The following LRMDA variants were observed in gnomAD, a reference collection of about 807,000 sequenced individuals.
The protein encoded by LRMDA is leucine rich melanocyte differentiation associated, also known as leucine-rich melanocyte differentiation-associated protein.
A neutral mutation model predicts 29.8 loss-of-function variants in LRMDA; 18 were observed. The observed-to-expected ratio is 0.60, with a 90% CI of 0.42 to 0.90. LRMDA has a LOEUF of 0.90. Ranked by LOEUF, LRMDA falls within the 40% of genes least tolerant of loss-of-function variation. The probability of loss-of-function intolerance (pLI) is 0.00; values close to 1 mark genes in which losing one functional copy is unlikely to be tolerated. For missense variants in LRMDA, 273 were observed against 273.9 expected (o/e 1.00, Z 0.02); for synonymous variants, 125 against 109.4 (o/e 1.14, Z -0.89).
intron 2 of LRMDA, among the ~76,000 whole-genome samples, chr10:75,901,255 C>T (rs552786821): frequency 3.9e-5 from 6 of 152,104 alleles, no homozygotes; most frequent in African/African-American, 1.4e-4. Flanking sequence ...GCATGTTCAA[C>T]CTGAATTCAA....
intron 2 of LRMDA, among the ~76,000 whole-genome samples, chr10:75,920,009 C>T (rs1846000887): frequency 6.6e-6 from 1 of 152,108 alleles, no homozygotes; most frequent in Non-Finnish European, 1.5e-5. Flanking sequence ...ATCAACTTGA[C>T]TAAATCCCTT....
chr10:76,443,783 T>C (rs891979289), intron 6 of LRMDA, among the ~76,000 whole-genome samples: 4 of 152,348 alleles, frequency 2.6e-5, no homozygotes, highest in South Asian at 4.1e-4. Context: ...CCTCATTGGA[T>C]GCCAGAATAT....
At chr10:75,907,210 A>G (rs1022557347) in intron 2 of LRMDA, among the ~76,000 whole-genome samples, 9 of 152,238 alleles carry the variant, frequency 5.9e-5, no homozygotes, top group African/African-American at 2.2e-4. Flanking sequence ...AATACTAAAA[A>G]TGATAAATTA....
intron 2 of LRMDA, among the ~76,000 whole-genome samples, chr10:75,983,543 T>G (rs2132451820): frequency 6.6e-6 from 1 of 152,330 alleles, no homozygotes; most frequent in Admixed American, 6.5e-5. Context: ...CATTTTTCCT[T>G]CATTAGCTCT....
At chr10:76,444,788 A>T (rs1842337592) in intron 6 of LRMDA, among the ~76,000 whole-genome samples, 1 of 152,144 alleles carries the variant, frequency 6.6e-6, no homozygotes, top group Admixed American at 6.5e-5. Context: ...GGGGAAAAAA[A>T]GTTTGGATCA....
rs189018611 is a variant in LRMDA, at chr10:76,515,879, A to G, written c.602-41330A>G. Among the ~76,000 whole-genome samples the G allele has an allele frequency of 6.6e-5, 10 of 152,308 alleles. No individual in the cohort carries two copies. In the East Asian group the frequency reaches 1.9e-3, roughly 29 times the overall value. On this transcript the variant is annotated intron_variant, in intron 6 of 6. Transcript: ENST00000611255. ...CATTTCTGGGTCAGCTAGAAATAGGAGCTATCACCAAACAGGAGAAAACTT... is the reference window on the plus strand; with the variant it reads ...CATTTCTGGGTCAGCTAGAAATAGGGGCTATCACCAAACAGGAGAAAACTT...
At chr10:75,542,145 A>G (rs1239785862) in intron 2 of LRMDA, among the ~76,000 whole-genome samples, 2 of 152,172 alleles carry the variant, frequency 1.3e-5, no homozygotes, top group East Asian at 1.9e-4. Flanking sequence ...AAACCTGACA[A>G]AGGGTGCTGA....
At chr10:75,558,056 C>G (rs561938914) in intron 2 of LRMDA, among the ~76,000 whole-genome samples, 1 of 151,662 alleles carries the variant, frequency 6.6e-6, no homozygotes, top group Non-Finnish European at 1.5e-5. Context: ...CTTCATCGGA[C>G]AAACAACACT....
intron 6 of LRMDA, among the ~76,000 whole-genome samples, chr10:76,420,384 C>A (rs1035620333): frequency 1.3e-5 from 2 of 151,808 alleles, no homozygotes; most frequent in Admixed American, 1.3e-4. Context: ...TTGATACTCC[C>A]CATTTCTTTT....
At chr10:76,551,049 C>T (rs1169741922) in intron 6 of LRMDA, among the ~76,000 whole-genome samples, 2 of 152,206 alleles carry the variant, frequency 1.3e-5, no homozygotes, top group Non-Finnish European at 2.9e-5. Flanking sequence ...CATGTATTCA[C>T]GGCCTGCACT....
At chr10:76,359,265 T>C (rs1841280222) in intron 6 of LRMDA, among the ~76,000 whole-genome samples, 1 of 152,146 alleles carries the variant, frequency 6.6e-6, no homozygotes, top group Non-Finnish European at 1.5e-5. Context: ...TGAAAAAATA[T>C]TGAGTAAAGG....
chr10:76,235,994 T>C (rs893383816), intron 5 of LRMDA, among the ~76,000 whole-genome samples: 22 of 152,176 alleles, frequency 1.4e-4, no homozygotes, highest in African/African-American at 5.3e-4. Flanking sequence ...TGGTACATTC[T>C]GTTTGGCGAG....
At chr10:75,977,743 C>T (rs1416947059) in intron 2 of LRMDA, among the ~76,000 whole-genome samples, 1 of 152,154 alleles carries the variant, frequency 6.6e-6, no homozygotes, top group African/African-American at 2.4e-5. Flanking sequence ...GAAGCCAGTC[C>T]CTCTGAGGGT....
chr10:76,368,922 C>T (rs1841422612), intron 6 of LRMDA, among the ~76,000 whole-genome samples: 1 of 152,128 alleles, frequency 6.6e-6, no homozygotes, highest in South Asian at 2.1e-4. Context: ...ATAGCTACCC[C>T]TACTTGTTTT....
chr10:76,388,175 T>C (rs1841682777), intron 6 of LRMDA, among the ~76,000 whole-genome samples: 1 of 152,138 alleles, frequency 6.6e-6, no homozygotes, highest in African/African-American at 2.4e-5. Flanking sequence ...TTGGATAATA[T>C]AGTAATGAGG....
intron 5 of LRMDA, among the ~76,000 whole-genome samples, chr10:76,111,435 T>C (rs971485888): frequency 6.6e-6 from 1 of 152,256 alleles, no homozygotes; most frequent in African/African-American, 2.4e-5. Context: ...TCCTCAGACC[T>C]GGGTCGAGCA....
At chr10:75,702,576 A>C (rs141875246) in intron 2 of LRMDA, among the ~76,000 whole-genome samples, 2,138 of 152,282 alleles carry the variant, frequency 0.014, 87 homozygotes, top group Admixed American at 0.094. Flanking sequence ...GGTGGTGTTC[A>C]TGGGATAGAT....
In LRMDA at chr10:76,557,404, G is replaced by A. The variant is rs989409032; in HGVS notation, c.*116G>A. On this transcript the variant is annotated 3_prime_UTR_variant, in exon 7 of 7. Transcript: ENST00000611255. The stretch of plus-strand genomic sequence containing the variant: ...CCCACATTGCCTCTCTTTGGGAAAA[G>A]CTATGACTTCAGCTTTTGGTACCTT... 8 of 843,698 alleles carry A rather than the reference G, an allele frequency of 9.5e-6. No individual in the cohort carries two copies. The highest frequency in any genetic ancestry group is 1.5e-5 in the Non-Finnish European group (8 of 526,346). The allele number at this position is 843,698 out of a possible 1,614,324, so 52.3% of individuals were successfully genotyped here.
At chr10:75,862,367 A>G (rs1407716712) in intron 2 of LRMDA, among the ~76,000 whole-genome samples, 1 of 152,114 alleles carries the variant, frequency 6.6e-6, no homozygotes, top group Non-Finnish European at 1.5e-5. Flanking sequence ...CATTTGGGGT[A>G]TGTCCATTTC....
Sources: allele counts gnomAD v4.1 joint callset (sites outside exome capture counted in the v4.1 genomes callset), GRCh38; gene constraint gnomAD v4.1.1; transcripts MANE v1.5; gene names NCBI Gene and HGNC (gene_info 2026-07-23, HGNC 2026-07-21).